Variants in MROH9 observed in about 807,000 individuals in gnomAD.
The protein encoded by MROH9 is maestro heat like repeat family member 9.
In MROH9, 92 loss-of-function variants were observed where a neutral mutation model predicts 98.2. That is an observed-to-expected ratio of 0.94 (90% CI 0.79 to 1.11). The LOEUF (loss-of-function observed/expected upper bound fraction) is 1.11. Among genes scored for constraint, MROH9 ranks in the 50% most tolerant of loss-of-function variants. The probability of loss-of-function intolerance (pLI) is 0.00; values close to 1 mark genes in which losing one functional copy is unlikely to be tolerated. For synonymous variants in MROH9, 397 were observed against 368.9 expected (o/e 1.08, Z -0.87); for missense variants, 1,057 against 1,014.8 (o/e 1.04, Z -0.57).
chr1:170,951,606 A>T (rs1649554422), intron 3 of MROH9, among the ~76,000 whole-genome samples: 1 of 152,122 alleles, frequency 6.6e-6, no homozygotes. Flanking sequence ...GCCACTCAAG[A>T]TAAGGCAGGA....
chr1:171,063,210 G>T (rs1654063442), intron 21 of MROH9, among the ~76,000 whole-genome samples: 1 of 150,300 alleles, frequency 6.7e-6, no homozygotes, highest in Non-Finnish European at 1.5e-5. Context: ...TCCACTATCT[G>T]GATATAATGA....
At chr1:170,970,905 G>T (rs1650433201) in intron 7 of MROH9, among the ~76,000 whole-genome samples, 1 of 152,086 alleles carries the variant, frequency 6.6e-6, no homozygotes, top group South Asian at 2.1e-4. Context: ...AATCATCAAA[G>T]CCTCTACCTA....
At chr1:170,954,165 TATACTGGGCACTC>T (rs1380991266) in intron 3 of MROH9, among the ~76,000 whole-genome samples, 1 of 152,082 alleles carries the variant, frequency 6.6e-6, no homozygotes, top group Non-Finnish European at 1.5e-5. Context: ...TTAATTCAAA[TATACTGGGCACTC>T]ACACATTTCC....
At chr1:170,940,313 T>C (rs1006713047) in intron 1 of MROH9, among the ~76,000 whole-genome samples, 2 of 152,234 alleles carry the variant, frequency 1.3e-5, no homozygotes, top group African/African-American at 2.4e-5. Flanking sequence ...ACAGGTGTCC[T>C]GCCAATAAGT....
At chr1:171,001,832 G>A (rs542984529) in intron 15 of MROH9, among the ~76,000 whole-genome samples, 17 of 152,152 alleles carry the variant, frequency 1.1e-4, no homozygotes, top group Non-Finnish European at 1.3e-4. Flanking sequence ...AGTGCTGCCA[G>A]TGGAGTATGA....
intron 3 of MROH9, among the ~76,000 whole-genome samples, chr1:170,949,549 G>A (rs1649467031): frequency 6.6e-6 from 1 of 152,102 alleles, no homozygotes; most frequent in Non-Finnish European, 1.5e-5. Context: ...AGTAATAACA[G>A]ACATCTGAGT....
chr1:170,984,612 C>G (rs1651059618), intron 9 of MROH9, among the ~76,000 whole-genome samples: 1 of 152,182 alleles, frequency 6.6e-6, no homozygotes, highest in Admixed American at 6.5e-5. Context: ...CTAGGACCAG[C>G]AGTCTGTTGG....
intron 8 of MROH9, among the ~76,000 whole-genome samples, chr1:170,973,129 A>G (rs925054529): frequency 1.3e-5 from 2 of 152,148 alleles, no homozygotes; most frequent in Admixed American, 6.6e-5. Flanking sequence ...ACACACACAC[A>G]CACGCACGCA....
At chr1:171,044,612 G>T (rs746003197) in intron 20 of MROH9, among the ~76,000 whole-genome samples, 2 of 152,236 alleles carry the variant, frequency 1.3e-5, no homozygotes, top group African/African-American at 4.8e-5. Flanking sequence ...TTCACTGGGA[G>T]ACTTTGTATT....
chr1:170,996,417 C>A, intron 13 of MROH9, 90 bp from the exon 14 acceptor site: 2 of 1,443,632 alleles, frequency 1.4e-6, no homozygotes, highest in Non-Finnish European at 1.9e-6. Context: ...CTATATTCTG[C>A]CCAAGATGGG....
chr1:170,968,829 T>C (rs546812672), intron 7 of MROH9, among the ~76,000 whole-genome samples: 1 of 152,250 alleles, frequency 6.6e-6, no homozygotes, highest in South Asian at 2.1e-4. Context: ...CATAGGTACA[T>C]ACTAAAAGGA....
chr1:170,996,630 C>T lies in MROH9; in HGVS notation c.1461C>T (p.Val487=), dbSNP rs1278515712. 5.6e-6 allele frequency: 9 copies of T among 1,613,420 alleles called. No homozygotes were observed. The highest frequency in any genetic ancestry group is 7.6e-6 in the Non-Finnish European group (9 of 1,179,558). ...LSEDLCYYHG[V]CFIAKTLSEY... is the part of the protein sequence containing the mutation. ...AAGATCTGTGTTACTATCATGGAGTCTGCTTTATTGCTAAGTAAGAACAGG... is the reference window on the plus strand; with the variant it reads ...AAGATCTGTGTTACTATCATGGAGTTTGCTTTATTGCTAAGTAAGAACAGG... The change falls in exon 14 of 22, where the codon GTC becomes GTT. Residue 487 remains valine (V), a synonymous_variant. Transcript: ENST00000367759.
intron 3 of MROH9, among the ~76,000 whole-genome samples, chr1:170,948,640 A>G (rs1649427475): frequency 6.6e-6 from 1 of 152,102 alleles, no homozygotes; most frequent in African/African-American, 2.4e-5. Context: ...AATTGCTTAT[A>G]GTCCAATGGG....
At chr1:171,041,303 T>A (rs1462494671) in intron 20 of MROH9, among the ~76,000 whole-genome samples, 2 of 150,152 alleles carry the variant, frequency 1.3e-5, no homozygotes, top group African/African-American at 4.9e-5. Flanking sequence ...GTTGCTGCAA[T>A]ATACATTATT....
At chr1:170,988,887 T>TTCC (rs1434238602) in intron 10 of MROH9, among the ~76,000 whole-genome samples, 1 of 152,156 alleles carries the variant, frequency 6.6e-6, no homozygotes, top group Non-Finnish European at 1.5e-5. Context: ...GGTATTTGCA[T>TTCC]TTAAAATAGG....
Position 170,959,501 on chromosome 1 carries a change from G to T in MROH9, c.192G>T (p.Lys64Asn). ...DPLLQFESQL[K>N]IIESSFGMLV... Reference sequence around the variant, plus strand: ...TACTGCAGTTTGAATCTCAGTTGAAGATAATAGAGTCATCCTTTGGAATGC... The same window carrying T: ...TACTGCAGTTTGAATCTCAGTTGAATATAATAGAGTCATCCTTTGGAATGC... Residue 64 changes from lysine (K) to asparagine (N), a missense_variant, in exon 5 of 22, where the codon AAG becomes AAT. Coordinates refer to ENST00000367759, the MANE Select transcript of MROH9 (RefSeq NM_001163629.2). The T allele has an allele frequency of 6.2e-7, 1 of 1,613,076 alleles. No homozygotes were observed. The highest frequency in any genetic ancestry group is 8.5e-7 in the Non-Finnish European group (1 of 1,179,542).
intron 15 of MROH9, among the ~76,000 whole-genome samples, chr1:171,002,202 C>T (rs1000121490): frequency 1.3e-5 from 2 of 152,138 alleles, no homozygotes; most frequent in Non-Finnish European, 2.9e-5. Context: ...TTCTGCAGTT[C>T]TGTGTCTTTT....
chr1:170,998,355 A>C (rs767206523), intron 15 of MROH9, 81 bp downstream of exon 15: 15 of 1,612,010 alleles, frequency 9.3e-6, no homozygotes, highest in Admixed American at 5.0e-5. Context: ...AGTTTCTCGT[A>C]TCTCTCCCTC....
chr1:171,045,377 A>G (rs1018657877), intron 20 of MROH9, among the ~76,000 whole-genome samples: 2 of 152,052 alleles, frequency 1.3e-5, no homozygotes, highest in African/African-American at 2.4e-5. Context: ...TCTTTAAGAT[A>G]CATCATTAGA....
Sources: allele counts gnomAD v4.1 joint callset (sites outside exome capture counted in the v4.1 genomes callset), GRCh38; gene constraint gnomAD v4.1.1; transcripts MANE v1.5; gene names NCBI Gene and HGNC (gene_info 2026-07-23, HGNC 2026-07-21).